The following C13orf42 variants were observed in gnomAD, a reference collection of about 807,000 sequenced individuals.
C13orf42 encodes uncharacterized protein C13orf42.
intron 1 of C13orf42, among the ~76,000 whole-genome samples, chr13:51,141,593 T>C (rs912085053): frequency 6.6e-6 from 1 of 151,782 alleles, no homozygotes; most frequent in Non-Finnish European, 1.5e-5. Flanking sequence ...AGGTCAGGAG[T>C]TCGAGACCAG....
intron 1 of C13orf42, among the ~76,000 whole-genome samples, chr13:51,132,170 C>G (rs747567675): frequency 6.6e-6 from 1 of 152,130 alleles, no homozygotes; most frequent in Non-Finnish European, 1.5e-5. Flanking sequence ...CGGCCGGGCG[C>G]GGTGGCTCAC....
intron 1 of C13orf42, among the ~76,000 whole-genome samples, chr13:51,145,016 A>G (rs181715873): frequency 6.6e-6 from 1 of 152,174 alleles, no homozygotes; most frequent in Admixed American, 6.5e-5. Context: ...ATGATTGTAC[A>G]CCTGTTGCTA....
chr13:51,147,163 C>A (rs1310870223), intron 1 of C13orf42, among the ~76,000 whole-genome samples: 1 of 152,070 alleles, frequency 6.6e-6, no homozygotes, highest in Non-Finnish European at 1.5e-5. Flanking sequence ...GGATGCTGCA[C>A]CATTTCCTGT....
At chr13:51,107,878 C>T (rs7321057) in intron 1 of C13orf42, among the ~76,000 whole-genome samples, 46,286 of 151,868 alleles carry the variant, frequency 0.3, 11,633 homozygotes, top group African/African-American at 0.68. Flanking sequence ...AGACCAATGC[C>T]GGAGAAGAGA....
chr13:51,086,881 A>G (rs922801523), intron 2 of C13orf42, among the ~76,000 whole-genome samples: 2 of 152,088 alleles, frequency 1.3e-5, no homozygotes, highest in Admixed American at 6.6e-5. Flanking sequence ...AAGCTTGGGG[A>G]GCAGAGTTAA....
At chr13:51,140,657 C>CATT (rs914374455) in intron 1 of C13orf42, among the ~76,000 whole-genome samples, 5 of 152,086 alleles carry the variant, frequency 3.3e-5, no homozygotes, top group African/African-American at 4.8e-5. Context: ...TAAAACTCCT[C>CATT]ATTATTATTA....
At chr13:51,122,773 G>A (rs1278233964) in intron 1 of C13orf42, among the ~76,000 whole-genome samples, 1 of 152,092 alleles carries the variant, frequency 6.6e-6, no homozygotes, top group Admixed American at 6.6e-5. Context: ...AATCCTCAGG[G>A]CCTTGTGGAT....
intron 1 of C13orf42, among the ~76,000 whole-genome samples, chr13:51,171,221 A>G (rs1469387441): frequency 6.6e-6 from 1 of 151,924 alleles, no homozygotes; most frequent in African/African-American, 2.4e-5. Flanking sequence ...AACCTAAATG[A>G]CTTATTTTCT....
intron 1 of C13orf42, among the ~76,000 whole-genome samples, chr13:51,149,910 C>T (rs561437628): frequency 6.6e-6 from 1 of 152,304 alleles, no homozygotes; most frequent in African/African-American, 2.4e-5. Flanking sequence ...CTTCAAGAGT[C>T]TATATCTTAG....
intron 1 of C13orf42, among the ~76,000 whole-genome samples, chr13:51,134,301 CT>C (rs1198337723): frequency 6.6e-6 from 1 of 152,214 alleles, no homozygotes; most frequent in Non-Finnish European, 1.5e-5. Flanking sequence ...GCCCTCTTTT[CT>C]GAGGCACTCC....
At chr13:51,121,876 A>T (rs1953538656) in intron 1 of C13orf42, among the ~76,000 whole-genome samples, 1 of 152,338 alleles carries the variant, frequency 6.6e-6, no homozygotes, top group South Asian at 2.1e-4. Context: ...AATAAATTAC[A>T]CTTGTATAAT....
intron 1 of C13orf42, among the ~76,000 whole-genome samples, chr13:51,165,521 G>T (rs903886338): frequency 6.7e-5 from 10 of 149,052 alleles, no homozygotes; most frequent in African/African-American, 2.4e-4. Context: ...TTGGGAAGAA[G>T]AGCCGGAGCA....
chr13:51,089,444 G>A (rs891030924), intron 1 of C13orf42, among the ~76,000 whole-genome samples: 22 of 151,894 alleles, frequency 1.4e-4, no homozygotes, highest in African/African-American at 4.4e-4. Context: ...TCATGGGGGC[G>A]GTTTCCTCCT....
chr13:51,113,353 G>C (rs910650396), upstream of C13orf42: 2 of 152,238 alleles, frequency 1.3e-5, no homozygotes, highest in African/African-American at 2.4e-5. Context: ...TCCGACGCCA[G>C]TCCTGTCCTG....
chr13:51,128,527 A>G (rs1476332371), intron 1 of C13orf42, among the ~76,000 whole-genome samples: 1 of 152,160 alleles, frequency 6.6e-6, no homozygotes, highest in African/African-American at 2.4e-5. Flanking sequence ...CTAAGACAGA[A>G]TGGGCTAAAG....
At chr13:51,119,991 A>T (rs1244001988) in intron 1 of C13orf42, among the ~76,000 whole-genome samples, 1 of 150,746 alleles carries the variant, frequency 6.6e-6, no homozygotes, top group East Asian at 1.9e-4. Context: ...TAAAAAAAAA[A>T]GAAAGCATCC....
intron 1 of C13orf42, among the ~76,000 whole-genome samples, chr13:51,124,461 G>C (rs1013690591): frequency 1.3e-5 from 2 of 152,190 alleles, no homozygotes; most frequent in Non-Finnish European, 2.9e-5. Context: ...TAGGAATTTA[G>C]GTGCTTTCAG....
intron 1 of C13orf42, among the ~76,000 whole-genome samples, chr13:51,134,881 C>A (rs9563028): frequency 0.37 from 55,884 of 152,132 alleles, 10,844 homozygotes; most frequent in African/African-American, 0.49. Context: ...GTAACACCTC[C>A]CGGCCTTCCC....
At chr13:51,151,435 C>T (rs529498754) in intron 1 of C13orf42, among the ~76,000 whole-genome samples, 4 of 152,310 alleles carry the variant, frequency 2.6e-5, no homozygotes, top group African/African-American at 9.6e-5. Context: ...TCCCTAGAGC[C>T]TCTAGAAGGA....
Sources: allele counts gnomAD v4.1 joint callset (sites outside exome capture counted in the v4.1 genomes callset), GRCh38; gene constraint gnomAD v4.1.1; transcripts MANE v1.5; gene names NCBI Gene and HGNC (gene_info 2026-07-23, HGNC 2026-07-21).